ZNF385B: variants seen among roughly 807,000 people sequenced by gnomAD.
ZNF385B encodes the protein zinc finger protein 533.
A neutral mutation model predicts 39.2 loss-of-function variants in ZNF385B; 23 were observed. The ratio of observed to expected loss-of-function variants is 0.59; its 90% CI spans 0.42 to 0.83. The LOEUF (loss-of-function observed/expected upper bound fraction) is 0.83, where lower values mean the gene tolerates loss of function less well. Ranked by LOEUF, ZNF385B falls within the 40% of genes least tolerant of loss-of-function variation. ZNF385B has a pLI of 0.00. For missense variants in ZNF385B, 552 were observed against 598.9 expected, an observed-to-expected ratio of 0.92 and a Z score of 0.82; for synonymous variants, 205 against 222.6, an observed-to-expected ratio of 0.92 and a Z score of 0.70.
chr2:179,672,141 G>A (rs1440781195), intron 3 of ZNF385B, among the ~76,000 whole-genome samples: 1 of 152,232 alleles, frequency 6.6e-6, no homozygotes, highest in Non-Finnish European at 1.5e-5. Context: ...AGTGGGTCTG[G>A]AAGGCAGAGC....
At chr2:179,631,621 C>A (rs1691224653) in intron 3 of ZNF385B, among the ~76,000 whole-genome samples, 1 of 152,096 alleles carries the variant, frequency 6.6e-6, no homozygotes, top group Non-Finnish European at 1.5e-5. Flanking sequence ...AACTAAGGAG[C>A]AAAATAAACG....
intron 1 of ZNF385B, among the ~76,000 whole-genome samples, chr2:179,838,301 C>T (rs1416705775): frequency 6.6e-6 from 1 of 152,186 alleles, no homozygotes; most frequent in Non-Finnish European, 1.5e-5. Context: ...TGGATCTTCC[C>T]TAATCACATG....
chr2:179,550,643 G>A (rs1019381814), intron 3 of ZNF385B, among the ~76,000 whole-genome samples: 2 of 149,520 alleles, frequency 1.3e-5, no homozygotes, highest in African/African-American at 2.5e-5. Flanking sequence ...CCTCAACCTT[G>A]CTGTTTTCAA....
At chr2:179,644,743 A>G (rs1351430572) in intron 3 of ZNF385B, among the ~76,000 whole-genome samples, 1 of 152,194 alleles carries the variant, frequency 6.6e-6, no homozygotes, top group African/African-American at 2.4e-5. Context: ...ACCTGATCAA[A>G]TAAACATGCT....
intron 3 of ZNF385B, among the ~76,000 whole-genome samples, chr2:179,560,863 C>A (rs1268405761): frequency 1.3e-5 from 2 of 152,160 alleles, no homozygotes; most frequent in Non-Finnish European, 2.9e-5. Context: ...AAGTTTGTCC[C>A]TGTGACAAGA....
Position 179,527,198 on chromosome 2 carries a change from C to A in ZNF385B, c.442-8560G>T, listed in dbSNP as rs561751739. The stretch of plus-strand genomic sequence containing the variant: ...AGGACCCCAGGATTTCAGTTTTTCC[C>A]AATTTTCTAGGGCTTCCTTAATGGC... On this transcript the variant is annotated intron_variant, in intron 4 of 9. Transcript: ENST00000410066. 7.2e-5 allele frequency among the ~76,000 whole-genome samples: 11 copies of A among 152,246 alleles called. No homozygotes were observed. The South Asian group carries it at 2.3e-3, about 32-fold the overall frequency.
At chr2:179,529,507 G>A (rs1204315819) in intron 4 of ZNF385B, among the ~76,000 whole-genome samples, 1 of 152,058 alleles carries the variant, frequency 6.6e-6, no homozygotes, top group African/African-American at 2.4e-5. Flanking sequence ...CAAAGATCAT[G>A]CATAACAAAA....
chr2:179,495,457 C>T (rs748261699), intron 5 of ZNF385B, among the ~76,000 whole-genome samples: 29 of 152,202 alleles, frequency 1.9e-4, no homozygotes, highest in Non-Finnish European at 2.6e-4. Flanking sequence ...AGAAAACAGG[C>T]CTGGTTGGCT....
intron 3 of ZNF385B, among the ~76,000 whole-genome samples, chr2:179,640,132 A>G (rs536161801): frequency 2.5e-4 from 38 of 152,336 alleles, no homozygotes; most frequent in Admixed American, 2.0e-3. Context: ...TGTTTAGTTT[A>G]AAGGAGATCA....
In ZNF385B at chr2:179,456,113, C is replaced by A. The variant is rs867767063; in HGVS notation, c.716-9343G>T. ...GGCTGTAAAGGCTATCATGTTTGTA[C>A]CTCATTGAATTCATATATTCAATAA... On this transcript the variant is annotated intron_variant, in intron 6 of 9. Transcript: ENST00000410066. 6.6e-4 allele frequency among the ~76,000 whole-genome samples: 101 copies of A among 152,198 alleles called. 1 individual carries two copies. The highest frequency in any genetic ancestry group is 6.8e-3 in the Middle Eastern group (2 of 294).
chr2:179,714,404 A>G (rs1046078130), intron 3 of ZNF385B, among the ~76,000 whole-genome samples: 19 of 152,204 alleles, frequency 1.2e-4, no homozygotes, highest in African/African-American at 4.3e-4. Context: ...AGTAGGTGGT[A>G]GAGCTAGGAT....
chr2:179,477,446 C>T (rs921733656), intron 6 of ZNF385B, among the ~76,000 whole-genome samples: 37 of 152,180 alleles, frequency 2.4e-4, no homozygotes, highest in Non-Finnish European at 8.8e-5. Flanking sequence ...TCTTCTTTCT[C>T]TTCTTCTCAT....
intron 1 of ZNF385B, among the ~76,000 whole-genome samples, chr2:179,805,024 C>T (rs1706262738): frequency 6.6e-6 from 1 of 152,162 alleles, no homozygotes; most frequent in African/African-American, 2.4e-5. Flanking sequence ...AATTCAATTC[C>T]CTCATGTTGA....
At chr2:179,723,385 G>T (rs150694599) in intron 3 of ZNF385B, among the ~76,000 whole-genome samples, 142 of 152,130 alleles carry the variant, frequency 9.3e-4, no homozygotes, top group African/African-American at 3.3e-3. Flanking sequence ...ATTAAATTAA[G>T]AAAGGTAATA....
At chr2:179,804,422 T>G (rs372445060) in intron 1 of ZNF385B, among the ~76,000 whole-genome samples, 2 of 152,278 alleles carry the variant, frequency 1.3e-5, no homozygotes, top group East Asian at 3.9e-4. Context: ...TAACATGACA[T>G]ACACAGTCTG....
intron 3 of ZNF385B, among the ~76,000 whole-genome samples, chr2:179,672,746 C>T (rs1696198479): frequency 6.6e-6 from 1 of 152,136 alleles, no homozygotes; most frequent in African/African-American, 2.4e-5. Context: ...GGGTCCTTAC[C>T]AGACACAGAA....
chr2:179,648,209 C>A (rs998702611), intron 3 of ZNF385B, among the ~76,000 whole-genome samples: 6 of 152,030 alleles, frequency 3.9e-5, no homozygotes, highest in Non-Finnish European at 5.9e-5. Context: ...GTGCTGGCAG[C>A]CCCATGTGGT....
chr2:179,566,364 AGC>A (rs1191375341), intron 3 of ZNF385B, among the ~76,000 whole-genome samples: 1 of 152,252 alleles, frequency 6.6e-6, no homozygotes, highest in Non-Finnish European at 1.5e-5. Context: ...GCATTGCATT[AGC>A]AATAGCACCT....
chr2:179,750,583 A>T (rs933376665), intron 3 of ZNF385B, among the ~76,000 whole-genome samples: 1 of 152,078 alleles, frequency 6.6e-6, no homozygotes, highest in Non-Finnish European at 1.5e-5. Context: ...CAAAGGTGTA[A>T]TCTGACATAT....
Sources: gnomAD v4.1 joint callset for allele counts (sites outside exome capture counted in the v4.1 genomes callset) on GRCh38, gnomAD v4.1.1 for gene constraint, MANE v1.5 for transcripts, NCBI Gene and HGNC (gene_info 2026-07-23, HGNC 2026-07-21) for gene names.